Variants in GAS6 observed in about 807,000 individuals in gnomAD.
GAS6 encodes growth arrest-specific protein 6.
Under a neutral mutation model 75.8 loss-of-function variants are expected in GAS6, and 41 were observed. The observed-to-expected ratio is 0.54, with a 90% CI of 0.42 to 0.70. The LOEUF (loss-of-function observed/expected upper bound fraction) is 0.70, where lower values mean the gene tolerates loss of function less well. GAS6 is among the 30% of genes least tolerant of loss of function. GAS6 has a pLI of 0.00. For missense variants in GAS6, 854 were observed against 940.2 expected (o/e 0.91, Z 1.20); for synonymous variants, 432 against 412.6 (o/e 1.05, Z -0.57).
rs775631726 is a variant in GAS6 at position 113,827,036 on chromosome 13, G to C, written c.1437C>G (p.Phe479Leu). ...QCFSVTERGS[F>L]YPGSGFAFYS... ...AGAAGGCGAAGCCGCTCCCGGGGTA[G>C]AAAGAGCCTCTCTCCGTCACCGAGA... The change falls in exon 12 of 15, where the codon TTC becomes TTG. Residue 479 changes from phenylalanine (F) to leucine (L), a missense_variant. By Grantham distance (22) the Phe-to-Leu change is conservative. Transcript: ENST00000327773. 3 of 1,613,314 alleles carry C rather than the reference G, an allele frequency of 1.9e-6. No individual in the cohort carries two copies. The highest frequency in any genetic ancestry group is 2.5e-6 in the Non-Finnish European group (3 of 1,179,984).
rs570795857 is a variant in GAS6 at position 113,842,693 on chromosome 13, C to T, written c.344-2843G>A. The T allele has an allele frequency of 9.8e-4, 391 of 397,098 alleles. 3 individuals carry two copies. The highest frequency in any genetic ancestry group is 9.2e-4 in the Non-Finnish European group (207 of 226,122). The allele number at this position is 397,098 out of a possible 1,614,324, so 24.6% of individuals were successfully genotyped here. ...GCGGCCTGTGCAGGGCCCAACCCTCCGGCACCAGAACCTGACCTCCTCAGA... is the reference window on the plus strand; with the variant it reads ...GCGGCCTGTGCAGGGCCCAACCCTCTGGCACCAGAACCTGACCTCCTCAGA... On this transcript the variant is annotated intron_variant, in intron 4 of 14. Transcript: ENST00000327773.
chr13:113,842,063 C>T (rs113307397), intron 4 of GAS6: 16,993 of 101,888 alleles, frequency 0.17, 3,454 homozygotes, highest in South Asian at 0.28. Flanking sequence ...TTCCTTTGTA[C>T]GCCCCAGTTT....
intron 6 of GAS6, 120 bp from the exon 7 acceptor site, chr13:113,835,755 C>A (rs1258438909): frequency 2.6e-5 from 38 of 1,487,676 alleles, no homozygotes; most frequent in Non-Finnish European, 3.4e-5. Flanking sequence ...CTCTGTGGGG[C>A]CAGCGCGCCC....
At position 113,863,384 on chromosome 13, in the gene GAS6, G is replaced by A. The variant is rs1442433239; in HGVS notation, c.255+191C>T. 6.6e-6 allele frequency among the ~76,000 whole-genome samples: 1 copy of A among 152,172 alleles called. No individual in the cohort carries two copies. The highest frequency in any genetic ancestry group is 2.4e-5 in the African/African-American group (1 of 41,452). ...CCGGACAGCCCCGCAGCGTCTCACC[G>A]GCCTGCGCGGGGATCCCGGGGTCGC... On this transcript the variant is annotated intron_variant, in intron 2 of 14. Transcript: ENST00000327773. This position sits in a 1 kb window ranked among gnomAD's most constrained non-coding sequence, Gnocchi z 9.4.
intron 2 of GAS6, among the ~76,000 whole-genome samples, chr13:113,859,700 C>T (rs1594211738): frequency 6.6e-6 from 1 of 152,002 alleles, no homozygotes; most frequent in Non-Finnish European, 1.5e-5. Context: ...CCCTGCACAC[C>T]TGTATCCATG....
rs1229015697 is a variant in GAS6, at chr13:113,848,036, T to C, written c.270A>G (p.Pro90=). Residue 90 remains proline (P), a synonymous_variant, in exon 3 of 15, where the codon CCA becomes CCG. Coordinates refer to ENST00000327773, the MANE Select transcript of GAS6 (RefSeq NM_000820.4). This position sits in a 1 kb window ranked among gnomAD's most constrained non-coding sequence, Gnocchi z 4.8. ...ENDPETDYFY[P]RYLDCINKYG... is the part of the protein sequence containing the mutation. ...GTAATTGAGACTTACCTAAGTATCTTGGGTAAAAATAATCCTGTGGAAAAA... is the reference window on the plus strand; with the variant it reads ...GTAATTGAGACTTACCTAAGTATCTCGGGTAAAAATAATCCTGTGGAAAAA... 1.2e-6 allele frequency: 2 copies of C among 1,613,096 alleles called. No individual in the cohort carries two copies. Among genetic ancestry groups the C allele is most frequent in the African/African-American group, 1.3e-5 (1 of 74,782 alleles).
At chr13:113,835,990 G>T (rs2051698621) in intron 6 of GAS6, 1 of 1,058,360 alleles carries the variant, frequency 9.4e-7, no homozygotes, top group East Asian at 6.9e-5. Context: ...CCCCCCGGGG[G>T]CATTTGAAAC....
At chr13:113,855,786 A>C (rs762373694) in intron 2 of GAS6, among the ~76,000 whole-genome samples, 3 of 152,200 alleles carry the variant, frequency 2.0e-5, no homozygotes, top group Non-Finnish European at 4.4e-5. Flanking sequence ...GCACGCAAGC[A>C]GAAATCACAG....
At chr13:113,842,573 T>A (rs1174791774) in intron 4 of GAS6, 1 of 396,688 alleles carries the variant, frequency 2.5e-6, no homozygotes. Flanking sequence ...AGGTCTGGCC[T>A]GAACTAGAGA....
intron 4 of GAS6, chr13:113,842,734 G>A (rs2051799464): frequency 2.5e-6 from 1 of 397,090 alleles, no homozygotes; most frequent in East Asian, 3.6e-5. Flanking sequence ...CCACCATGGA[G>A]GGATGTCTGG....
At chr13:113,830,447 GACCTC>G (rs1566358239) in intron 10 of GAS6, among the ~76,000 whole-genome samples, 22 of 122,530 alleles carry the variant, frequency 1.8e-4, no homozygotes, top group African/African-American at 7.5e-4. Context: ...TCCCCCAGGC[GACCTC>G]GCCTCAGGCC....
rs766860416 is a variant in GAS6 at position 113,834,620 on chromosome 13, T to A, written c.765A>T (p.Pro255=). 1.2e-6 allele frequency: 2 copies of A among 1,602,186 alleles called. No individual in the cohort carries two copies. Among genetic ancestry groups the A allele is most frequent in the South Asian group, 2.2e-5 (2 of 89,928 alleles). ...GRCEQVCVNS[P]GSYTCHCDGR... is the part of the protein sequence containing the mutation. ...CGTCACAGTGGCAGGTGTAGCTCCC[T>A]GGGGAGTTCACGCAGACCTGCTCAC... Residue 255 remains proline (P), a synonymous_variant, in exon 8 of 15, where the codon CCA becomes CCT. Coordinates refer to ENST00000327773, the MANE Select transcript of GAS6 (RefSeq NM_000820.4).
chr13:113,823,053 T>G (rs976022947), intron 13 of GAS6: 4 of 258,850 alleles, frequency 1.5e-5, no homozygotes, highest in Non-Finnish European at 2.9e-5. Context: ...TGAAATCATC[T>G]GACTTAAACA....
chr13:113,845,056 C>G lies in GAS6; in HGVS notation c.343+1471G>C, dbSNP rs563469039. ...CACGCGTGACAGGATCTGCTTGTCT[C>G]CTCTGAGCACGCAGGAGCCTCTGCC... On this transcript the variant is annotated intron_variant, in intron 4 of 14. Coordinates refer to ENST00000327773, the MANE Select transcript of GAS6 (RefSeq NM_000820.4). The surrounding 1 kb of genome is among the most constrained non-coding windows in gnomAD (Gnocchi z 4.3). The G allele has an allele frequency of 6.6e-6, 1 of 150,734 alleles. No individual in the cohort carries two copies. Among genetic ancestry groups the G allele is most frequent in the South Asian group, 2.1e-4 (1 of 4,826 alleles). 9.3% of individuals were successfully genotyped at this position (150,734 alleles called of 1,614,324 possible).
At chr13:113,858,297 T>G (rs902384905) in intron 2 of GAS6, among the ~76,000 whole-genome samples, 2 of 152,268 alleles carry the variant, frequency 1.3e-5, no homozygotes, top group African/African-American at 4.8e-5. Context: ...TGTGTACATG[T>G]GTGCATATTA....
At chr13:113,824,122 G>T (rs2051500043) in intron 12 of GAS6, among the ~76,000 whole-genome samples, 1 of 143,088 alleles carries the variant, frequency 7.0e-6, no homozygotes, top group Non-Finnish European at 1.6e-5. Flanking sequence ...TGAGCTGTCA[G>T]GAGCACCGTG....
In GAS6 at chr13:113,832,360, T is replaced by C; in HGVS notation, c.1082A>G (p.Tyr361Cys). 6.2e-7 allele frequency: 1 copy of C among 1,608,518 alleles called. No homozygotes were observed. The highest frequency in any genetic ancestry group is 8.5e-7 in the Non-Finnish European group (1 of 1,179,904). The change falls in exon 10 of 15, where the codon TAC (tyrosine) becomes TGC (cysteine). Residue 361 changes from tyrosine to cysteine, a missense_variant. Transcript: ENST00000327773. ...GCTGGTGACACGGCCGACACCGTTGTAGCGCAGCTGCAGCTCCAGCCGGCC... is the reference window on the plus strand; with the variant it reads ...GCTGGTGACACGGCCGACACCGTTGCAGCGCAGCTGCAGCTCCAGCCGGCC... ...RAGRLELQLRYNGVGRVTSSG... is the reference protein window; with the variant it reads ...RAGRLELQLRCNGVGRVTSSG...
At chr13:113,834,470 G>T in intron 8 of GAS6, 81 bp downstream of exon 8, 1 of 1,358,040 alleles carries the variant, frequency 7.4e-7, no homozygotes, top group African/African-American at 1.5e-5. Flanking sequence ...GGTCTTCACG[G>T]AAGTGTTTCT....
At position 113,820,639 on chromosome 13, in the gene GAS6, C is replaced by T. The variant is rs903208086; in HGVS notation, c.*225G>A. On this transcript the variant is annotated 3_prime_UTR_variant, in exon 15 of 15. Transcript: ENST00000327773. ...AAAAATAATAGAGAATTATTTTCTTCGAGCCCGCTCTGCGCTGCGCCGGCC... is the reference window on the plus strand; with the variant it reads ...AAAAATAATAGAGAATTATTTTCTTTGAGCCCGCTCTGCGCTGCGCCGGCC... The T allele has an allele frequency of 4.0e-6, 2 of 501,766 alleles. No homozygotes were observed. The highest frequency in any genetic ancestry group is 1.9e-5 in the African/African-American group (1 of 52,976). The allele number at this position is 501,766 out of a possible 1,614,324, so 31.1% of individuals were successfully genotyped here. A position where few individuals can be genotyped will look rare whatever the true frequency, so the allele number is the denominator to read the frequency against.
Sources: allele counts gnomAD v4.1 joint callset (sites outside exome capture counted in the v4.1 genomes callset), GRCh38; gene constraint gnomAD v4.1.1; non-coding constraint Gnocchi (gnomAD v3.1); transcripts MANE v1.5; gene names NCBI Gene and HGNC (gene_info 2026-07-23, HGNC 2026-07-21).